SLC9A1: variants seen among roughly 807,000 people sequenced by gnomAD.
SLC9A1 encodes the protein sodium/hydrogen exchanger 1.
SLC9A1 carries 22 observed loss-of-function variants against 67.9 expected under a neutral mutation model. That is an observed-to-expected ratio of 0.32 (90% CI 0.23 to 0.46). The LOEUF (loss-of-function observed/expected upper bound fraction) is 0.46. Among genes scored for constraint, SLC9A1 ranks in the 20% least tolerant of loss-of-function variants. SLC9A1 has a pLI of 1.00. For missense variants in SLC9A1, 686 were observed against 1,094.8 expected (o/e 0.63, Z 5.27); for synonymous variants, 421 against 471.8 (o/e 0.89, Z 1.40).
chr1:27,119,183 C>G (rs909688184), intron 1 of SLC9A1, among the ~76,000 whole-genome samples: 1 of 152,138 alleles, frequency 6.6e-6, no homozygotes, highest in Non-Finnish European at 1.5e-5. Context: ...TTTATATCTC[C>G]TCGGACGGTC....
At chr1:27,128,342 T>G (rs182369196) in intron 1 of SLC9A1, among the ~76,000 whole-genome samples, 52 of 152,060 alleles carry the variant, frequency 3.4e-4, no homozygotes, top group Non-Finnish European at 5.6e-4. Context: ...ACAGAAACAC[T>G]CAGAAAAAAG....
intron 3 of SLC9A1, 59 bp from the exon 4 acceptor site, chr1:27,107,924 T>C: frequency 7.6e-7 from 1 of 1,321,578 alleles, no homozygotes; most frequent in Non-Finnish European, 1.1e-6. Context: ...CTCGAGCCCC[T>C]CCACTGCCAG....
At chr1:27,102,845 G>T in intron 6 of SLC9A1, 102 bp from the exon 7 acceptor site, 1 of 1,048,198 alleles carries the variant, frequency 9.5e-7, no homozygotes, top group Non-Finnish European at 1.4e-6. Flanking sequence ...GCCCTGCTGG[G>T]TCCAGCCCTG....
At chr1:27,112,050 A>C (rs957768126) in intron 2 of SLC9A1, among the ~76,000 whole-genome samples, 2 of 152,178 alleles carry the variant, frequency 1.3e-5, no homozygotes, top group Non-Finnish European at 2.9e-5. Flanking sequence ...CTGGCTTCAC[A>C]GACATTAGTG....
rs1031976580 is a variant in SLC9A1 at position 27,137,309 on chromosome 1, C to G, written c.352+16674G>C. Among the ~76,000 whole-genome samples, 2 of 152,226 alleles carry G rather than the reference C, an allele frequency of 1.3e-5. No homozygotes were observed. The highest frequency in any genetic ancestry group is 4.8e-5 in the African/African-American group (2 of 41,462). ...TTATAGCATCACAGGAGAGCCTGGA[C>G]TAGAGGTCGGGGAGCTGAGCTCAAT... On this transcript the variant is annotated intron_variant, in intron 1 of 11. Coordinates refer to ENST00000263980, the MANE Select transcript of SLC9A1 (RefSeq NM_003047.5). This position sits in a 1 kb window ranked among gnomAD's most constrained non-coding sequence, Gnocchi z 4.6.
In SLC9A1 at chr1:27,102,435, C is replaced by T. The variant is rs1306750571; in HGVS notation, c.1770G>A (p.Glu590=). ...AGGGGATCTTGCCCATGCCCCCGCT[C>T]TCCACCAGCTCGATGGCCTGCTTCA... The part of the protein sequence containing the change: ...MEMKQAIELV[E]SGGMGKIPSA... Residue 590 remains glutamate (E), a synonymous_variant, in exon 8 of 12, where the codon GAG becomes GAA. Coordinates refer to ENST00000263980, the MANE Select transcript of SLC9A1 (RefSeq NM_003047.5). The T allele has an allele frequency of 1.2e-5, 20 of 1,609,126 alleles. No homozygotes were observed. In the South Asian group the frequency reaches 2.2e-4, roughly 18 times the overall value.
At position 27,102,728 on chromosome 1, in the gene SLC9A1, G is replaced by A; in HGVS notation, c.1591C>T (p.Leu531=). The part of the protein sequence containing the change: ...EIHTQFLDHL[L]TGIEDICGHY... ...CCACAGATGTCTTCGATGCCTGTCA[G>A]AAGGTGGTCCAGGAACTGAAAGGGG... Residue 531 remains leucine, a synonymous_variant, in exon 7 of 12, where the codon CTG becomes TTG. Coordinates refer to ENST00000263980, the MANE Select transcript of SLC9A1 (RefSeq NM_003047.5). 2 of 1,613,742 alleles carry A rather than the reference G, an allele frequency of 1.2e-6. No homozygotes were observed. Among genetic ancestry groups the A allele is most frequent in the Non-Finnish European group, 1.7e-6 (2 of 1,179,944 alleles).
At position 27,154,041 on chromosome 1, in the gene SLC9A1, G is replaced by A. The variant is rs774110345; in HGVS notation, c.294C>T (p.His98=). Reference sequence around the variant, plus strand: ...GGGAGATCTCGAAGGGGGTGCGCACGTGTGTGTAGTCGATGCCCAGGACTG... The same window carrying A: ...GGGAGATCTCGAAGGGGGTGCGCACATGTGTGTAGTCGATGCCCAGGACTG... The part of the protein sequence containing the change: ...AFPVLGIDYT[H]VRTPFEISLW... The change falls in exon 1 of 12, where the codon CAC becomes CAT. Residue 98 remains histidine (H), a synonymous_variant. Transcript: ENST00000263980. 1 of 1,608,276 alleles carries A rather than the reference G, an allele frequency of 6.2e-7. No homozygotes were observed. Among genetic ancestry groups the A allele is most frequent in the Admixed American group, 1.7e-5 (1 of 59,602 alleles).
chr1:27,145,294 C>T (rs1419194293), intron 1 of SLC9A1, among the ~76,000 whole-genome samples: 1 of 152,218 alleles, frequency 6.6e-6, no homozygotes, highest in African/African-American at 2.4e-5. Context: ...AGGAGTCCGC[C>T]CAGCCCTGGC....
rs1460264139 is a variant in SLC9A1, at chr1:27,109,812, G to C, written c.814-35C>G. The C allele has an allele frequency of 4.3e-6, 7 of 1,610,862 alleles. No individual in the cohort carries two copies. Among genetic ancestry groups the C allele is most frequent in the Non-Finnish European group, 5.1e-6 (6 of 1,178,824 alleles). On this transcript the variant is annotated intron_variant, in intron 2 of 11. Coordinates refer to ENST00000263980, the MANE Select transcript of SLC9A1 (RefSeq NM_003047.5). The surrounding 1 kb of genome is among the most constrained non-coding windows in gnomAD (Gnocchi z 5.5). ...GTGTGCAGGCTGGTGGGTGGGAGGAGAGGGCCCTGGCCCCACGGTTCCCTG... is the reference window on the plus strand; with the variant it reads ...GTGTGCAGGCTGGTGGGTGGGAGGACAGGGCCCTGGCCCCACGGTTCCCTG...
intron 1 of SLC9A1, among the ~76,000 whole-genome samples, chr1:27,116,928 C>G (rs2083276081): frequency 6.6e-6 from 1 of 152,156 alleles, no homozygotes; most frequent in Non-Finnish European, 1.5e-5. Flanking sequence ...TCCTCTACCT[C>G]TACCCCCACC....
rs2083554004 is a variant in SLC9A1, at chr1:27,154,609, G to A, written c.-275C>T. ...GGAACTCCGGGCCTGGGAAGGGGGA[G>A]GACGGATGTGGGAAACTGAGCCCTA... On this transcript the variant is annotated 5_prime_UTR_variant, in exon 1 of 12. Transcript: ENST00000263980. 2.5e-6 allele frequency: 1 copy of A among 394,586 alleles called. No homozygotes were observed. Among genetic ancestry groups the A allele is most frequent in the East Asian group, 4.5e-5 (1 of 22,184 alleles). The allele number at this position is 394,586 out of a possible 1,614,324, so 24.4% of individuals were successfully genotyped here.
Position 27,114,178 on chromosome 1 carries a change from G to C in SLC9A1, c.461C>G (p.Pro154Arg), listed in dbSNP as rs1170245896. The C allele has an allele frequency of 1.2e-6, 2 of 1,614,170 alleles. No homozygotes were observed. Among genetic ancestry groups the C allele is most frequent in the South Asian group, 1.1e-5 (1 of 91,088 alleles). Residue 154 changes from proline to arginine, a missense_variant, in exon 2 of 12, where the codon CCC becomes CGC. This residue lies in a region of SLC9A1 where 29 missense variants were observed against 71.9 expected (regional missense o/e 0.40). Coordinates refer to ENST00000263980, the MANE Select transcript of SLC9A1 (RefSeq NM_003047.5). The surrounding 1 kb of genome is among the most constrained non-coding windows in gnomAD (Gnocchi z 5.4). ...GAAGAAGACGTCGGACTGCAGGAAG[G>C]GGGGTGTCTCGCCTACACCCTTGAT... is the stretch of plus-strand genomic sequence containing the variant. ...GLIKGVGETP[P>R]FLQSDVFFLF...
At chr1:27,129,820 T>C (rs1463702358) in intron 1 of SLC9A1, among the ~76,000 whole-genome samples, 1 of 152,160 alleles carries the variant, frequency 6.6e-6, no homozygotes, top group Non-Finnish European at 1.5e-5. Flanking sequence ...GTGCCTCACT[T>C]TGATGCTCTG....
At chr1:27,135,775 TA>T (rs2083417073) in intron 1 of SLC9A1, among the ~76,000 whole-genome samples, 4 of 152,038 alleles carry the variant, frequency 2.6e-5, no homozygotes, top group Admixed American at 1.3e-4. Flanking sequence ...CGAACAGCAA[TA>T]AAATGAACAA....
chr1:27,102,775 G>T (rs762639342), intron 6 of SLC9A1, 32 bp from the exon 7 acceptor site: 3 of 1,593,730 alleles, frequency 1.9e-6, no homozygotes, highest in Non-Finnish European at 8.6e-7. Context: ...GTCAAGCCTC[G>T]CTGTGGGGCG....
intron 1 of SLC9A1, among the ~76,000 whole-genome samples, chr1:27,123,657 CCCA>C (rs2083320526): frequency 1.4e-5 from 2 of 141,640 alleles, no homozygotes; most frequent in South Asian, 2.3e-4. Flanking sequence ...ATTACAGGTG[CCCA>C]CCACCACACC....
At chr1:27,144,216 A>G (rs2083468226) in intron 1 of SLC9A1, among the ~76,000 whole-genome samples, 1 of 152,246 alleles carries the variant, frequency 6.6e-6, no homozygotes, top group Non-Finnish European at 1.5e-5. Flanking sequence ...GGTCTCATTA[A>G]TTCACAGTCA....
intron 1 of SLC9A1, among the ~76,000 whole-genome samples, chr1:27,132,417 T>C (rs550321314): frequency 2.0e-5 from 3 of 152,226 alleles, no homozygotes; most frequent in African/African-American, 7.2e-5. Flanking sequence ...CTATGTGACC[T>C]CAAATGGCTC....
Sources: gnomAD v4.1 joint callset for allele counts (sites outside exome capture counted in the v4.1 genomes callset) on GRCh38, gnomAD v4.1.1 for gene constraint, gnomAD v4.1.1 regional missense constraint, Gnocchi (gnomAD v3.1) non-coding constraint, MANE v1.5 for transcripts, NCBI Gene and HGNC (gene_info 2026-07-23, HGNC 2026-07-21) for gene names.